MACROD2: variants seen among roughly 807,000 people sequenced by gnomAD.
MACROD2 encodes mono-ADP ribosylhydrolase 2, also known as ADP-ribose glycohydrolase MACROD2.
Under a neutral mutation model 70.4 loss-of-function variants are expected in MACROD2, and 36 were observed. That is an observed-to-expected ratio of 0.51 (90% CI 0.39 to 0.68). MACROD2 has a LOEUF of 0.68. Among genes scored for constraint, MACROD2 ranks in the 30% least tolerant of loss-of-function variants. The pLI is 0.00. For synonymous variants in MACROD2, 172 were observed against 178.8 expected, an observed-to-expected ratio of 0.96 and a Z score of 0.30; for missense variants, 496 against 538.4, an observed-to-expected ratio of 0.92 and a Z score of 0.78.
At chr20:15,756,461 C>T (rs567459020) in intron 8 of MACROD2, among the ~76,000 whole-genome samples, 1 of 152,132 alleles carries the variant, frequency 6.6e-6, no homozygotes, top group South Asian at 2.1e-4. Context: ...TTTTTAACCC[C>T]CTAAGCAGGA....
intron 5 of MACROD2, among the ~76,000 whole-genome samples, chr20:14,929,857 T>C (rs1488804002): frequency 3.9e-5 from 6 of 152,076 alleles, no homozygotes; most frequent in Non-Finnish European, 8.8e-5. Flanking sequence ...TGTCACCCCA[T>C]CACTTAGAAA....
chr20:16,042,136 A>G (rs545164208), intron 16 of MACROD2, among the ~76,000 whole-genome samples: 57 of 152,200 alleles, frequency 3.7e-4, no homozygotes, highest in African/African-American at 1.4e-3. Context: ...AGAATTTCCT[A>G]TACCAGGTAT....
At chr20:14,269,758 G>A (rs969598372) in intron 3 of MACROD2, among the ~76,000 whole-genome samples, 2 of 151,726 alleles carry the variant, frequency 1.3e-5, no homozygotes, top group East Asian at 3.9e-4. Flanking sequence ...AAACATGCTG[G>A]AATTTGGAAG....
rs148882646 is a variant in MACROD2 at position 14,896,317 on chromosome 20, A to T, written c.418+211358A>T. Among the ~76,000 whole-genome samples, 128 of 152,140 alleles carry T rather than the reference A, an allele frequency of 8.4e-4. 1 individual carries two copies. Among genetic ancestry groups the T allele is most frequent in the African/African-American group, 2.5e-3 (103 of 41,526 alleles). ...CTCAAAAAAATAAATAAATAAAATT[A>T]AAAAAAATTGGAAATAACATATTTG... On this transcript the variant is annotated intron_variant, in intron 5 of 17. Coordinates refer to ENST00000684519, the MANE Select transcript of MACROD2 (RefSeq NM_001351661.2).
At chr20:15,699,434 G>A (rs2050423356) in intron 8 of MACROD2, among the ~76,000 whole-genome samples, 1 of 152,192 alleles carries the variant, frequency 6.6e-6, no homozygotes, top group Non-Finnish European at 1.5e-5. Context: ...AACTGTCTAT[G>A]GGTCTCTCAG....
At chr20:15,220,479 A>T (rs1490106391) in intron 5 of MACROD2, among the ~76,000 whole-genome samples, 1 of 152,260 alleles carries the variant, frequency 6.6e-6, no homozygotes, top group East Asian at 1.9e-4. Context: ...ATCTTGGGAC[A>T]TAGGTAGTCA....
chr20:14,279,130 A>G (rs76709468), intron 3 of MACROD2, among the ~76,000 whole-genome samples: 11,177 of 152,292 alleles, frequency 0.073, 556 homozygotes, highest in Non-Finnish European at 0.1. Context: ...GATGTGTTGT[A>G]CATGGGGTAC....
chr20:14,399,988 G>A (rs1407687972), intron 3 of MACROD2, among the ~76,000 whole-genome samples: 1 of 152,014 alleles, frequency 6.6e-6, no homozygotes, highest in Non-Finnish European at 1.5e-5. Context: ...ACAGAATATA[G>A]TTACAAAGAT....
At chr20:14,090,356 T>A (rs2423776) in intron 3 of MACROD2, among the ~76,000 whole-genome samples, 1 of 151,974 alleles carries the variant, frequency 6.6e-6, no homozygotes, top group Non-Finnish European at 1.5e-5. Context: ...GGGTGGATCA[T>A]GAGGTCAGGA....
At chr20:15,461,296 T>C (rs1020987969) in intron 7 of MACROD2, among the ~76,000 whole-genome samples, 6 of 152,180 alleles carry the variant, frequency 3.9e-5, no homozygotes, top group African/African-American at 1.4e-4. Context: ...TAACATTGTC[T>C]AGCTATTTGA....
intron 5 of MACROD2, among the ~76,000 whole-genome samples, chr20:14,887,114 C>T (rs1417005711): frequency 6.6e-6 from 1 of 152,070 alleles, no homozygotes; most frequent in Non-Finnish European, 1.5e-5. Flanking sequence ...TACAAAAATT[C>T]ATGTCCTACC....
intron 5 of MACROD2, among the ~76,000 whole-genome samples, chr20:15,133,191 A>G (rs1298518594): frequency 1.3e-5 from 2 of 152,122 alleles, no homozygotes; most frequent in African/African-American, 4.8e-5. Flanking sequence ...GAAAAGATCA[A>G]TAAACTTCAC....
chr20:14,147,182 C>G (rs1399908968), intron 3 of MACROD2, among the ~76,000 whole-genome samples: 1 of 152,152 alleles, frequency 6.6e-6, no homozygotes, highest in African/African-American at 2.4e-5. Context: ...GTAGATATTG[C>G]TTCTTTTTTA....
intron 15 of MACROD2, among the ~76,000 whole-genome samples, chr20:16,010,801 G>T (rs953669662): frequency 6.6e-6 from 1 of 152,234 alleles, no homozygotes; most frequent in South Asian, 2.1e-4. Flanking sequence ...TGTGAATCTC[G>T]ATTATTTAGG....
chr20:14,661,084 G>A (rs1221450662), intron 4 of MACROD2, among the ~76,000 whole-genome samples: 1 of 152,108 alleles, frequency 6.6e-6, no homozygotes, highest in Non-Finnish European at 1.5e-5. Flanking sequence ...GGATTGCTGA[G>A]TCAACTGGTA....
chr20:14,431,236 G>A (rs932969813), intron 3 of MACROD2, among the ~76,000 whole-genome samples: 21 of 152,040 alleles, frequency 1.4e-4, no homozygotes, highest in Non-Finnish European at 1.9e-4. Context: ...GGTCCTTATT[G>A]TGTATGCAAG....
intron 3 of MACROD2, among the ~76,000 whole-genome samples, chr20:14,277,023 G>C (rs2082264785): frequency 6.6e-6 from 1 of 152,166 alleles, no homozygotes; most frequent in Non-Finnish European, 1.5e-5. Flanking sequence ...CGTGTCAGAA[G>C]AGTTACAATT....
At chr20:15,748,359 C>CCTTT (rs1464445071) in intron 8 of MACROD2, among the ~76,000 whole-genome samples, 1 of 148,960 alleles carries the variant, frequency 6.7e-6, no homozygotes, top group African/African-American at 2.5e-5. Flanking sequence ...TTCCTTCCTT[C>CCTTT]CTTCCTTCCT....
chr20:15,511,058 C>A (rs1417688011), intron 8 of MACROD2, among the ~76,000 whole-genome samples: 1 of 152,164 alleles, frequency 6.6e-6, no homozygotes, highest in Non-Finnish European at 1.5e-5. Context: ...GGAAGCGAAG[C>A]CCCACGTGGA....
Sources: allele counts gnomAD v4.1 joint callset (sites outside exome capture counted in the v4.1 genomes callset), GRCh38; gene constraint gnomAD v4.1.1; transcripts MANE v1.5; gene names NCBI Gene and HGNC (gene_info 2026-07-23, HGNC 2026-07-21).